WDFY2: variants seen among roughly 807,000 people sequenced by gnomAD.
WDFY2 encodes the protein WD repeat and FYVE domain containing 2.
WDFY2 carries 36 observed loss-of-function variants against 56.4 expected under a neutral mutation model. The observed-to-expected ratio is 0.64, with a 90% CI of 0.49 to 0.84. The LOEUF is 0.84. Ranked by LOEUF, WDFY2 falls within the 40% of genes least tolerant of loss-of-function variation. The pLI, the probability that WDFY2 is intolerant of heterozygous loss-of-function variation, is 0.00. For synonymous variants in WDFY2, 176 were observed against 183.7 expected (o/e 0.96, Z 0.34); for missense variants, 444 against 512.2 (o/e 0.87, Z 1.29).
chr13:51,667,597 T>C (rs921080784), intron 2 of WDFY2, among the ~76,000 whole-genome samples: 1 of 152,220 alleles, frequency 6.6e-6, no homozygotes, highest in Non-Finnish European at 1.5e-5. Context: ...CTTTTAAACA[T>C]CTTTAACTCA....
intron 1 of WDFY2, among the ~76,000 whole-genome samples, chr13:51,617,897 A>G (rs1954651103): frequency 6.6e-6 from 1 of 152,188 alleles, no homozygotes; most frequent in Admixed American, 6.5e-5. Flanking sequence ...TCATTTTCAT[A>G]TTTAAAGAAA....
At chr13:51,728,516 G>A (rs564401948) in intron 6 of WDFY2, among the ~76,000 whole-genome samples, 16 of 152,094 alleles carry the variant, frequency 1.1e-4, no homozygotes, top group South Asian at 1.0e-3. Flanking sequence ...GGGCTTTTCC[G>A]TTTTCTACCA....
intron 3 of WDFY2, among the ~76,000 whole-genome samples, chr13:51,693,420 C>T (rs1225923473): frequency 2.6e-5 from 4 of 151,850 alleles, no homozygotes; most frequent in African/African-American, 7.3e-5. Flanking sequence ...ATCTTTATTT[C>T]TGCCTTCATT....
intron 1 of WDFY2, among the ~76,000 whole-genome samples, chr13:51,611,330 C>T (rs1203258430): frequency 6.6e-6 from 1 of 152,136 alleles, no homozygotes; most frequent in East Asian, 1.9e-4. Context: ...TTTTCAAAAC[C>T]TCACATTTTA....
chr13:51,655,521 C>T (rs1315755529), intron 1 of WDFY2, among the ~76,000 whole-genome samples: 1 of 151,952 alleles, frequency 6.6e-6, no homozygotes, highest in East Asian at 1.9e-4. Context: ...ACTACCCTTG[C>T]ATTCCTGGGA....
At chr13:51,622,853 C>CTTT (rs59372497) in intron 1 of WDFY2, among the ~76,000 whole-genome samples, 16 of 130,962 alleles carry the variant, frequency 1.2e-4, no homozygotes, top group East Asian at 6.8e-4. Flanking sequence ...TAACTTTACA[C>CTTT]TTTTTTTTTT....
chr13:51,742,954 A>G (rs1406140032), intron 7 of WDFY2, among the ~76,000 whole-genome samples: 3 of 152,236 alleles, frequency 2.0e-5, no homozygotes. Context: ...AAATAAATAT[A>G]CATGGAGAGA....
intron 5 of WDFY2, among the ~76,000 whole-genome samples, chr13:51,723,237 A>T (rs1952529725): frequency 6.6e-6 from 1 of 152,220 alleles, no homozygotes; most frequent in Non-Finnish European, 1.5e-5. Context: ...CTTCATTGAA[A>T]ATATATGGGT....
At chr13:51,651,225 A>C (rs1955378047) in intron 1 of WDFY2, among the ~76,000 whole-genome samples, 1 of 152,236 alleles carries the variant, frequency 6.6e-6, no homozygotes, top group East Asian at 1.9e-4. Context: ...GTATTCTCTG[A>C]TAGTAGTTTG....
At chr13:51,739,333 C>T (rs1310470451) in intron 7 of WDFY2, among the ~76,000 whole-genome samples, 158 bp downstream of exon 7, 1 of 152,080 alleles carries the variant, frequency 6.6e-6, no homozygotes, top group African/African-American at 2.4e-5. Flanking sequence ...CTGTGTAAAA[C>T]TGTGTTTATA....
intron 6 of WDFY2, among the ~76,000 whole-genome samples, chr13:51,736,581 C>A (rs565844507): frequency 7.9e-4 from 121 of 152,318 alleles, no homozygotes; most frequent in Admixed American, 2.4e-3. Context: ...CAACCCCTGC[C>A]TCCTGGGTTC....
chr13:51,725,464 G>A (rs1430250820), intron 5 of WDFY2, among the ~76,000 whole-genome samples: 3 of 152,128 alleles, frequency 2.0e-5, no homozygotes, highest in Admixed American at 2.0e-4. Flanking sequence ...AAGGTGGAAG[G>A]ATCACTTGAG....
At chr13:51,676,927 A>C (rs930301257) in intron 3 of WDFY2, among the ~76,000 whole-genome samples, 4 of 152,210 alleles carry the variant, frequency 2.6e-5, no homozygotes, top group Non-Finnish European at 5.9e-5. Context: ...CAGTTATAGG[A>C]TAGTTTGCGT....
intron 7 of WDFY2, among the ~76,000 whole-genome samples, chr13:51,750,179 C>A (rs1953196956): frequency 6.6e-6 from 1 of 152,100 alleles, no homozygotes; most frequent in Non-Finnish European, 1.5e-5. Flanking sequence ...TTAAGTCTAG[C>A]AGGTTCAAAA....
Position 51,719,340 on chromosome 13 carries a change from A to T in WDFY2, c.477A>T (p.Ser159=). The T allele has an allele frequency of 1.9e-6, 3 of 1,582,506 alleles. No individual in the cohort carries two copies. The highest frequency in any genetic ancestry group is 2.6e-6 in the Non-Finnish European group (3 of 1,165,970). The change falls in exon 5 of 12, where the codon TCA becomes TCT. Residue 159 remains serine, a synonymous_variant. Transcript: ENST00000298125. Reference sequence around the variant, plus strand: ...GTTATCGGACCAGTGCTGTGGCCTCAGGCCTGCAGTATCCTTTGCTGGACA... The same window carrying T: ...GTTATCGGACCAGTGCTGTGGCCTCTGGCCTGCAGTATCCTTTGCTGGACA... ...LGGYRTSAVA[S]GLQFDVETRH...
intron 3 of WDFY2, among the ~76,000 whole-genome samples, chr13:51,699,223 T>C (rs906899389): frequency 5.3e-5 from 8 of 152,178 alleles, no homozygotes; most frequent in African/African-American, 1.9e-4. Flanking sequence ...ATTAGATTCA[T>C]GTGGAGCTAT....
At chr13:51,712,956 A>G (rs937829692) in intron 4 of WDFY2, among the ~76,000 whole-genome samples, 3 of 152,220 alleles carry the variant, frequency 2.0e-5, no homozygotes, top group Admixed American at 6.5e-5. Context: ...TTCTGTATCT[A>G]CTAATGAAAT....
At chr13:51,666,589 A>G (rs1438146498) in intron 2 of WDFY2, among the ~76,000 whole-genome samples, 3 of 152,210 alleles carry the variant, frequency 2.0e-5, no homozygotes, top group East Asian at 3.8e-4. Context: ...CATGTGTATT[A>G]TGAGGCAGAA....
chr13:51,675,262 G>T lies in WDFY2; in HGVS notation c.279+19G>T. 1 of 1,602,294 alleles carries T rather than the reference G, an allele frequency of 6.2e-7. No individual in the cohort carries two copies. Among genetic ancestry groups the T allele is most frequent in the South Asian group, 1.1e-5 (1 of 90,730 alleles). ...AATCTCAGTAAGTACACATAAATAA[G>T]ATTTCCAGTTGAAATACTTCCCTTC... On this transcript the variant is annotated intron_variant, in intron 3 of 11. Transcript: ENST00000298125.
Sources: gnomAD v4.1 joint callset for allele counts (sites outside exome capture counted in the v4.1 genomes callset) on GRCh38, gnomAD v4.1.1 for gene constraint, MANE v1.5 for transcripts, NCBI Gene and HGNC (gene_info 2026-07-23, HGNC 2026-07-21) for gene names.